THEMIS: variants seen among roughly 807,000 people sequenced by gnomAD.
The protein encoded by THEMIS is thymocyte selection associated.
THEMIS carries 37 observed loss-of-function variants against 52.6 expected under a neutral mutation model. That is an observed-to-expected ratio of 0.70 (90% CI 0.54 to 0.93). THEMIS has a LOEUF of 0.93. THEMIS is among the 40% of genes least tolerant of loss of function. The pLI is 0.00. For synonymous variants in THEMIS, 292 were observed against 272.7 expected (o/e 1.07, Z -0.70); for missense variants, 808 against 763.1 (o/e 1.06, Z -0.69).
intron 1 of THEMIS, among the ~76,000 whole-genome samples, chr6:127,913,580 A>G (rs2114536224): frequency 6.6e-6 from 1 of 152,342 alleles, no homozygotes; most frequent in East Asian, 1.9e-4. Context: ...CCTCCCCAAG[A>G]TGACAGAATA....
At chr6:127,890,343 A>G (rs1041830585) in intron 1 of THEMIS, among the ~76,000 whole-genome samples, 1 of 152,184 alleles carries the variant, frequency 6.6e-6, no homozygotes, top group Non-Finnish European at 1.5e-5. Context: ...TTGATAGTTA[A>G]TATGTTTTAT....
intron 1 of THEMIS, among the ~76,000 whole-genome samples, chr6:127,877,373 G>A (rs936416052): frequency 6.6e-6 from 1 of 152,190 alleles, no homozygotes; most frequent in African/African-American, 2.4e-5. Flanking sequence ...GGCACAAGAA[G>A]CCTAGCCTTT....
In THEMIS at chr6:127,879,623, G is replaced by GAA. The variant is rs965851911; in HGVS notation, c.91+21217_91+21218dup. Among the ~76,000 whole-genome samples, 216 of 119,690 alleles carry GAA rather than the reference G, an allele frequency of 1.8e-3. 1 individual carries two copies. The highest frequency in any genetic ancestry group is 6.4e-3 in the African/African-American group (207 of 32,192). 78.5% of individuals were successfully genotyped at this position (119,690 alleles called of 152,430 possible). A position where few individuals can be genotyped will look rare whatever the true frequency, so the allele number is the denominator to read the frequency against. On this transcript the variant is annotated intron_variant, in intron 1 of 5. Coordinates refer to ENST00000368248, the MANE Select transcript of THEMIS (RefSeq NM_001010923.3). ...GTGATCTAGAATGCTGTGTCACTCT[G>GAA]AAAAAAAAAAAAGAACAGATTTACC...
intron 2 of THEMIS, among the ~76,000 whole-genome samples, chr6:127,849,079 C>A (rs1177944495): frequency 2.6e-5 from 4 of 151,808 alleles, no homozygotes; most frequent in East Asian, 1.9e-4. Flanking sequence ...TAAGTCTTTA[C>A]TCCATCTTGA....
At chr6:127,840,530 A>G (rs1195511924) in intron 2 of THEMIS, among the ~76,000 whole-genome samples, 3 of 152,100 alleles carry the variant, frequency 2.0e-5, no homozygotes, top group Non-Finnish European at 4.4e-5. Context: ...TACTTTCCTG[A>G]ATTTTCTCCC....
chr6:127,780,147 T>C (rs546042590), intron 4 of THEMIS, among the ~76,000 whole-genome samples: 32 of 152,346 alleles, frequency 2.1e-4, no homozygotes, highest in African/African-American at 7.0e-4. Flanking sequence ...TTTACCATTA[T>C]GTAATGCCTT....
At chr6:127,916,920 A>G (rs1435493117) in intron 1 of THEMIS, among the ~76,000 whole-genome samples, 1 of 152,232 alleles carries the variant, frequency 6.6e-6, no homozygotes, top group Non-Finnish European at 1.5e-5. Context: ...CAAAATCACA[A>G]TAGAAGCTAT....
At chr6:127,717,738 C>T (rs1774220115) in intron 5 of THEMIS, among the ~76,000 whole-genome samples, 3 of 151,748 alleles carry the variant, frequency 2.0e-5, no homozygotes, top group Admixed American at 2.0e-4. Context: ...AAAGGTTCCA[C>T]CCCATGTAAC....
upstream of THEMIS, chr6:127,918,570 C>A (rs1182491710): frequency 6.6e-6 from 1 of 152,110 alleles, no homozygotes; most frequent in African/African-American, 2.4e-5. Flanking sequence ...GAGACTAATG[C>A]AAATATAAAT....
At chr6:127,746,622 T>C (rs902701786) in intron 4 of THEMIS, among the ~76,000 whole-genome samples, 1 of 143,046 alleles carries the variant, frequency 7.0e-6, no homozygotes, top group African/African-American at 2.6e-5. Context: ...ACTAAAAAAT[T>C]AGATTAGAAA....
At position 127,833,140 on chromosome 6, in the gene THEMIS, TAA is replaced by T. The variant is rs369010013; in HGVS notation, c.251-3208_251-3207del. ...TTTTGAATTAGGAGACATTGTTCATTAAAAAAAACACGTCACTTAACTAACAT... is the reference window on the plus strand; with the variant it reads ...TTTTGAATTAGGAGACATTGTTCATTAAAAAACACGTCACTTAACTAACAT... On this transcript the variant is annotated intron_variant, in intron 2 of 5. Coordinates refer to ENST00000368248, the MANE Select transcript of THEMIS (RefSeq NM_001010923.3). Among the ~76,000 whole-genome samples the T allele has an allele frequency of 1.3e-3, 196 of 151,638 alleles. 1 individual carries two copies. In the East Asian group the frequency reaches 0.036, roughly 28 times the overall value.
At chr6:127,784,949 CA>C (rs1776873276) in intron 4 of THEMIS, among the ~76,000 whole-genome samples, 3 of 130,364 alleles carry the variant, frequency 2.3e-5, no homozygotes, top group Non-Finnish European at 4.9e-5. Context: ...AAGGCAGTCA[CA>C]CTATCTATCT....
intron 4 of THEMIS, among the ~76,000 whole-genome samples, chr6:127,791,485 T>G (rs538115458): frequency 3.8e-4 from 58 of 152,204 alleles, no homozygotes; most frequent in Middle Eastern, 6.8e-3. Context: ...AGAAAGTAGG[T>G]GCTGATCGGC....
rs10872326 is a variant in THEMIS at position 127,813,540 on chromosome 6, C to A, written c.1101G>T (p.Val367=). Reference sequence around the variant, plus strand: ...GGGAATGAAACGCTTTGGTGGCCACCACGTGAAGAGGCTCCTTTTCACTCT... The same window carrying A: ...GGGAATGAAACGCTTTGGTGGCCACAACGTGAAGAGGCTCCTTTTCACTCT... ...IAKSEKEPLH[V]VATKAFHSPH... Residue 367 remains valine (V), a synonymous_variant, in exon 4 of 6, where the codon GTG becomes GTT. Coordinates refer to ENST00000368248, the MANE Select transcript of THEMIS (RefSeq NM_001010923.3). The A allele has an allele frequency of 1.2e-6, 2 of 1,613,170 alleles. No individual in the cohort carries two copies. Among genetic ancestry groups the A allele is most frequent in the Non-Finnish European group, 1.7e-6 (2 of 1,179,662 alleles).
chr6:127,711,941 T>A (rs566066669), intron 5 of THEMIS, among the ~76,000 whole-genome samples: 100 of 152,110 alleles, frequency 6.6e-4, no homozygotes, highest in Admixed American at 3.2e-3. Context: ...CATTTCCTTA[T>A]CAGTGGATAA....
Position 127,813,395 on chromosome 6 carries a change from T to A in THEMIS, c.1246A>T (p.Ile416Phe). Residue 416 changes from isoleucine to phenylalanine, a missense_variant, in exon 4 of 6, where the codon ATC becomes TTC. Ile to Phe is a conservative substitution (Grantham distance 21, BLOSUM62 0). Coordinates refer to ENST00000368248, the MANE Select transcript of THEMIS (RefSeq NM_001010923.3). Reference sequence around the variant, plus strand: ...GCAGCCTCATAGGACTTTTTGAGGATTTTTTCACAGGCCAGAACATTCACC... The same window carrying A: ...GCAGCCTCATAGGACTTTTTGAGGAATTTTTCACAGGCCAGAACATTCACC... ...KVVNVLACEK[I>F]LKKSYEAALL... The A allele has an allele frequency of 1.9e-6, 3 of 1,613,626 alleles. No homozygotes were observed. Among genetic ancestry groups the A allele is most frequent in the Non-Finnish European group, 2.5e-6 (3 of 1,179,788 alleles).
At chr6:127,855,479 G>T (rs1257663245) in intron 1 of THEMIS, among the ~76,000 whole-genome samples, 1 of 151,760 alleles carries the variant, frequency 6.6e-6, no homozygotes, top group Non-Finnish European at 1.5e-5. Context: ...AACTACAAAC[G>T]TATCTTCCAC....
chr6:127,918,172 T>G (rs933082082), intron 1 of THEMIS, among the ~76,000 whole-genome samples: 3 of 152,182 alleles, frequency 2.0e-5, no homozygotes, highest in Non-Finnish European at 4.4e-5. Flanking sequence ...AGGCACAGAC[T>G]TGCAACATTA....
At chr6:127,743,651 T>A (rs1387353407) in intron 4 of THEMIS, among the ~76,000 whole-genome samples, 1 of 152,230 alleles carries the variant, frequency 6.6e-6, no homozygotes, top group African/African-American at 2.4e-5. Flanking sequence ...ACTATAGACA[T>A]CTTATTGTGC....
Sources: gnomAD v4.1 joint callset for allele counts (sites outside exome capture counted in the v4.1 genomes callset) on GRCh38, gnomAD v4.1.1 for gene constraint, MANE v1.5 for transcripts, NCBI Gene and HGNC (gene_info 2026-07-23, HGNC 2026-07-21) for gene names.